DNAJC10: variants seen among roughly 807,000 people sequenced by gnomAD.
DNAJC10 encodes the protein DnaJ heat shock protein family (Hsp40) member C10, also known as endoplasmic reticulum disulfide reductase DNAJC10.
In DNAJC10, 101 loss-of-function variants were observed where a neutral mutation model predicts 115.0. The ratio of observed to expected loss-of-function variants is 0.88; its 90% CI spans 0.75 to 1.04. The LOEUF is 1.04. Ranked by LOEUF, DNAJC10 falls within the 50% of genes least tolerant of loss-of-function variation. The probability of loss-of-function intolerance (pLI) is 0.00; values close to 1 mark genes in which losing one functional copy is unlikely to be tolerated. For synonymous variants in DNAJC10, 307 were observed against 301.5 expected, an observed-to-expected ratio of 1.02 and a Z score of -0.19; for missense variants, 981 against 928.8, an observed-to-expected ratio of 1.06 and a Z score of -0.73.
At chr2:182,768,834 T>A (rs1694482956) in intron 22 of DNAJC10, among the ~76,000 whole-genome samples, 1 of 152,216 alleles carries the variant, frequency 6.6e-6, no homozygotes, top group Non-Finnish European at 1.5e-5. Flanking sequence ...TGTTTGTTTG[T>A]TTTAATTATA....
In DNAJC10 at chr2:182,731,068, G is replaced by A; in HGVS notation, c.766G>A (p.Gly256Ser). The A allele has an allele frequency of 6.2e-7, 1 of 1,612,626 alleles. No individual in the cohort carries two copies. The highest frequency in any genetic ancestry group is 8.5e-7 in the Non-Finnish European group (1 of 1,179,394). Residue 256 changes from glycine to serine, a missense_variant, in exon 9 of 24, where the codon GGT becomes AGT. By Grantham distance (56) the Gly-to-Ser change is moderately conservative. Transcript: ENST00000264065. The stretch of plus-strand genomic sequence containing the variant: ...CTCCATACAAACTGCTTTTGCTGCT[G>A]GTATTGGCTGGCTGATCACTTTTTG... The part of the protein sequence containing the change: ...VNSIQTAFAA[G>S]IGWLITFCSK...
rs994766592 is a variant in DNAJC10, at chr2:182,788,010, A to G, written c.*10878A>G. 6.6e-6 allele frequency: 1 copy of G among 152,226 alleles called. No homozygotes were observed. Among genetic ancestry groups the G allele is most frequent in the Non-Finnish European group, 1.5e-5 (1 of 68,046 alleles). 9.4% of individuals were successfully genotyped at this position (152,226 alleles called of 1,614,324 possible). A position where few individuals can be genotyped will look rare whatever the true frequency, so the allele number is the denominator to read the frequency against. ...TAGAAAAATTAAGGCATATTATTTT[A>G]CTGTACTCTCAGAAAGATGTTTAAC... is the stretch of plus-strand genomic sequence containing the variant. On this transcript the variant is annotated 3_prime_UTR_variant, in exon 24 of 24. Coordinates refer to ENST00000264065, the MANE Select transcript of DNAJC10 (RefSeq NM_018981.4).
rs553399535 is a variant in DNAJC10 at position 182,782,713 on chromosome 2, C to A, written c.*5581C>A. 6.6e-6 allele frequency: 1 copy of A among 152,222 alleles called. No homozygotes were observed. The highest frequency in any genetic ancestry group is 6.5e-5 in the Admixed American group (1 of 15,290). 9.4% of individuals were successfully genotyped at this position (152,222 alleles called of 1,614,324 possible). On this transcript the variant is annotated 3_prime_UTR_variant, in exon 24 of 24. Transcript: ENST00000264065. ...GGGAGTTCACTCACGATTTGGCTCT[C>A]TGTTTGTCAATTATTGGTGTATAGG...
At chr2:182,776,956 T>C (rs1358387881) in intron 23 of DNAJC10, among the ~76,000 whole-genome samples, 165 bp from the exon 24 acceptor site, 1 of 152,216 alleles carries the variant, frequency 6.6e-6, no homozygotes, top group Non-Finnish European at 1.5e-5. Flanking sequence ...TTTTCTTTTT[T>C]ATTGTTATAT....
At chr2:182,719,888 C>T (rs1693103994) in intron 3 of DNAJC10, 119 bp from the exon 4 acceptor site, 4 of 503,542 alleles carry the variant, frequency 7.9e-6, no homozygotes, top group Admixed American at 4.0e-5. Flanking sequence ...ATTACCCCTC[C>T]TTATGTTGGT....
chr2:182,775,476 C>T (rs923605587), intron 23 of DNAJC10, 56 bp downstream of exon 23: 2 of 1,077,336 alleles, frequency 1.9e-6, no homozygotes, highest in African/African-American at 3.2e-5. Context: ...TTAGCAAAAT[C>T]TATTTTTCCT....
chr2:182,746,622 G>A (rs1693874823), intron 14 of DNAJC10, among the ~76,000 whole-genome samples: 1 of 152,228 alleles, frequency 6.6e-6, no homozygotes, highest in African/African-American at 2.4e-5. Context: ...TGTAGATTCT[G>A]CATATTAGCC....
In DNAJC10 at chr2:182,732,493, C is replaced by T. The variant is rs1401385403; in HGVS notation, c.806-6C>T. ...AAACTGCCTCATAAGGTTTTTTTGTCCCCAGATTGTTTGACTTCACAGACA... is the reference window on the plus strand; with the variant it reads ...AAACTGCCTCATAAGGTTTTTTTGTTCCCAGATTGTTTGACTTCACAGACA... On this transcript the variant is annotated splice_region_variant and splice_polypyrimidine_tract_variant and intron_variant, in intron 9 of 23. Transcript: ENST00000264065. The T allele has an allele frequency of 6.2e-7, 1 of 1,612,804 alleles. No homozygotes were observed. The highest frequency in any genetic ancestry group is 8.5e-7 in the Non-Finnish European group (1 of 1,179,300).
In DNAJC10 at chr2:182,756,336, T is replaced by C; in HGVS notation, c.1676T>C (p.Val559Ala). Reference protein sequence around the residue: ...FIEDLMNPSVVSLTPTTFNEL... With the variant: ...FIEDLMNPSVASLTPTTFNEL... ...CAGGATCTTATGAATCCTTCAGTGG[T>C]CTCCCTTACACCCACCACCTTCAAC... The change falls in exon 18 of 24, where the codon GTC becomes GCC. Residue 559 changes from valine to alanine, a missense_variant. By Grantham distance (64) the Val-to-Ala change is moderately conservative. Coordinates refer to ENST00000264065, the MANE Select transcript of DNAJC10 (RefSeq NM_018981.4). 6.2e-7 allele frequency: 1 copy of C among 1,611,582 alleles called. No homozygotes were observed. Among genetic ancestry groups the C allele is most frequent in the South Asian group, 1.1e-5 (1 of 90,526 alleles).
At chr2:182,743,502 T>G in intron 13 of DNAJC10, 96 bp from the exon 14 acceptor site, 1 of 797,148 alleles carries the variant, frequency 1.3e-6, no homozygotes, top group Non-Finnish European at 2.1e-6. Flanking sequence ...AAAAACTGTG[T>G]CATTAGGGCA....
intron 16 of DNAJC10, among the ~76,000 whole-genome samples, chr2:182,753,037 G>A (rs534373377): frequency 6.6e-6 from 1 of 152,264 alleles, no homozygotes; most frequent in South Asian, 2.1e-4. Flanking sequence ...GGTAATTATT[G>A]TTAGTTTTTG....
At position 182,792,005 on chromosome 2, in the gene DNAJC10, A is replaced by G. The variant is rs1452138526; in HGVS notation, c.*14873A>G. ...AGAGAATTGGATCCTGAAACACCTT[A>G]TAAGTTCAGTCCTGTTGATTAGTAT... is the stretch of plus-strand genomic sequence containing the variant. On this transcript the variant is annotated 3_prime_UTR_variant, in exon 24 of 24. Transcript: ENST00000264065. The G allele has an allele frequency of 6.6e-6, 1 of 152,184 alleles. No individual in the cohort carries two copies. The highest frequency in any genetic ancestry group is 2.4e-5 in the African/African-American group (1 of 41,466). The allele number at this position is 152,184 out of a possible 1,614,324, so 9.4% of individuals were successfully genotyped here. A position where few individuals can be genotyped will look rare whatever the true frequency, so the allele number is the denominator to read the frequency against.
intron 14 of DNAJC10, among the ~76,000 whole-genome samples, chr2:182,747,327 G>A (rs1199475417): frequency 6.6e-6 from 1 of 152,154 alleles, no homozygotes; most frequent in Non-Finnish European, 1.5e-5. Flanking sequence ...TGGGCAGTAT[G>A]GCCATTGTCA....
chr2:182,778,454 A>G lies in DNAJC10; in HGVS notation c.*1322A>G, dbSNP rs1054225877. ...TATAATTCAGAGTGTACAGAATGGT[A>G]AAAATTCCAATCAGTCAAAAGAGGT... On this transcript the variant is annotated 3_prime_UTR_variant, in exon 24 of 24. Coordinates refer to ENST00000264065, the MANE Select transcript of DNAJC10 (RefSeq NM_018981.4). 2.6e-5 allele frequency: 4 copies of G among 152,308 alleles called. No individual in the cohort carries two copies. The highest frequency in any genetic ancestry group is 9.6e-5 in the African/African-American group (4 of 41,586). 9.4% of individuals were successfully genotyped at this position (152,308 alleles called of 1,614,324 possible). A position where few individuals can be genotyped will look rare whatever the true frequency, so the allele number is the denominator to read the frequency against.
At position 182,728,655 on chromosome 2, in the gene DNAJC10, C is replaced by G; in HGVS notation, c.498C>G (p.Pro166=). The part of the protein sequence containing the change: ...PGCSHCHDLA[P]TWRDFAKEVD... ...GTTCACACTGCCATGATTTAGCTCCCACAGTATGTATTTTTCACATCCTCA... is the reference window on the plus strand; with the variant it reads ...GTTCACACTGCCATGATTTAGCTCCGACAGTATGTATTTTTCACATCCTCA... The change falls in exon 6 of 24, where the codon CCC becomes CCG. Residue 166 remains proline, a synonymous_variant. Transcript: ENST00000264065. 6.2e-7 allele frequency: 1 copy of G among 1,610,478 alleles called. No individual in the cohort carries two copies. Among genetic ancestry groups the G allele is most frequent in the South Asian group, 1.1e-5 (1 of 90,312 alleles).
chr2:182,763,087 G>A (rs1694326738), intron 22 of DNAJC10, among the ~76,000 whole-genome samples: 1 of 152,074 alleles, frequency 6.6e-6, no homozygotes, highest in African/African-American at 2.4e-5. Context: ...ATCTTTGAGT[G>A]CTGGAATTCA....
In DNAJC10 at chr2:182,786,690, C is replaced by G. The variant is rs1338866872; in HGVS notation, c.*9558C>G. 1 of 152,254 alleles carries G rather than the reference C, an allele frequency of 6.6e-6. No individual in the cohort carries two copies. Among genetic ancestry groups the G allele is most frequent in the Non-Finnish European group, 1.5e-5 (1 of 68,094 alleles). The allele number at this position is 152,254 out of a possible 1,614,324, so 9.4% of individuals were successfully genotyped here. ...CCTTCAAACCCCATTCTTGCCAAAGCCAAGTTCTCTCCCTCCCTCTCAACA... is the reference window on the plus strand; with the variant it reads ...CCTTCAAACCCCATTCTTGCCAAAGGCAAGTTCTCTCCCTCCCTCTCAACA... On this transcript the variant is annotated 3_prime_UTR_variant, in exon 24 of 24. Coordinates refer to ENST00000264065, the MANE Select transcript of DNAJC10 (RefSeq NM_018981.4).
chr2:182,756,989 C>G (rs1021263521), intron 18 of DNAJC10, among the ~76,000 whole-genome samples: 7 of 152,052 alleles, frequency 4.6e-5, no homozygotes, highest in African/African-American at 1.7e-4. Context: ...AAAAATTTAC[C>G]TCATATTTGT....
At chr2:182,776,203 T>C (rs1694699562) in intron 23 of DNAJC10, among the ~76,000 whole-genome samples, 1 of 152,100 alleles carries the variant, frequency 6.6e-6, no homozygotes. Flanking sequence ...AATAAAGCAT[T>C]GAATTGTTAG....
Sources: gnomAD v4.1 joint callset for allele counts (sites outside exome capture counted in the v4.1 genomes callset) on GRCh38, gnomAD v4.1.1 for gene constraint, MANE v1.5 for transcripts, NCBI Gene and HGNC (gene_info 2026-07-23, HGNC 2026-07-21) for gene names.